LEKR1: variants seen among roughly 807,000 people sequenced by gnomAD.
LEKR1 encodes protein LEKR1.
In LEKR1, 59 loss-of-function variants were observed where a neutral mutation model predicts 72.4. The observed-to-expected ratio is 0.82, with a 90% CI of 0.66 to 1.01. The LOEUF (loss-of-function observed/expected upper bound fraction) is 1.01, where lower values mean the gene tolerates loss of function less well. LEKR1 is among the 50% of genes least tolerant of loss of function. LEKR1 has a pLI of 0.00. For missense variants in LEKR1, 728 were observed against 759.2 expected (o/e 0.96, Z 0.48); for synonymous variants, 257 against 263.2 (o/e 0.98, Z 0.23).
intron 7 of LEKR1, among the ~76,000 whole-genome samples, chr3:156,986,884 C>G (rs1041258951): frequency 7.2e-5 from 11 of 152,074 alleles, no homozygotes; most frequent in Admixed American, 2.6e-4. Context: ...AAAAACAATG[C>G]TTTTGATTTG....
In LEKR1 at chr3:157,045,409, C is replaced by T; in HGVS notation, c.1738C>T (p.Gln580Ter). The T allele has an allele frequency of 1.2e-6, 2 of 1,613,972 alleles. No individual in the cohort carries two copies. Among genetic ancestry groups the T allele is most frequent in the Non-Finnish European group, 1.7e-6 (2 of 1,179,900 alleles). Residue 580 changes from glutamine (Q) to a stop codon, truncating the protein, a stop_gained, in exon 13 of 13, where the codon CAA becomes TAA. Transcript: ENST00000356539. LOFTEE classifies it low-confidence loss of function (END_TRUNC). ...ERFELTEALS[Q>*]AREQLLELSK... Reference sequence around the variant, plus strand: ...CTTTGAACTGACAGAGGCTTTGAGTCAAGCCAGAGAACAGCTCCTGGAGCT... The same window carrying T: ...CTTTGAACTGACAGAGGCTTTGAGTTAAGCCAGAGAACAGCTCCTGGAGCT...
intron 3 of LEKR1, among the ~76,000 whole-genome samples, chr3:156,902,600 T>C (rs1475594259): frequency 1.3e-5 from 2 of 152,198 alleles, no homozygotes; most frequent in Non-Finnish European, 2.9e-5. Context: ...GAAATTGTTA[T>C]ACATTTCATA....
intron 3 of LEKR1, among the ~76,000 whole-genome samples, chr3:156,890,736 T>C (rs1022812072): frequency 6.6e-6 from 1 of 152,194 alleles, no homozygotes; most frequent in Admixed American, 6.5e-5. Flanking sequence ...GTGTTGGTAA[T>C]TGAGATCAGT....
chr3:156,859,667 TA>T (rs1304342966), intron 3 of LEKR1, among the ~76,000 whole-genome samples: 53 of 152,326 alleles, frequency 3.5e-4, no homozygotes, highest in African/African-American at 1.3e-3. Flanking sequence ...GACAAATGTA[TA>T]AAGACATTAT....
At chr3:156,848,904 T>A (rs1396715221) in intron 2 of LEKR1, among the ~76,000 whole-genome samples, 2 of 152,194 alleles carry the variant, frequency 1.3e-5, no homozygotes, top group African/African-American at 4.8e-5. Context: ...ATTCATTTTT[T>A]ATTATTATAC....
intron 3 of LEKR1, among the ~76,000 whole-genome samples, chr3:156,897,822 A>G (rs1054037847): frequency 1.3e-5 from 2 of 152,092 alleles, no homozygotes; most frequent in Non-Finnish European, 2.9e-5. Flanking sequence ...GCATGGTGGC[A>G]GGTGCCTGTA....
intron 3 of LEKR1, among the ~76,000 whole-genome samples, chr3:156,893,164 T>G (rs1473713273): frequency 6.6e-6 from 1 of 152,118 alleles, no homozygotes; most frequent in Non-Finnish European, 1.5e-5. Flanking sequence ...TATCTTCAAG[T>G]TTTTGGTGGA....
intron 3 of LEKR1, among the ~76,000 whole-genome samples, chr3:156,884,086 G>T (rs1719794083): frequency 6.6e-6 from 1 of 152,098 alleles, no homozygotes; most frequent in South Asian, 2.1e-4. Flanking sequence ...TATAAGAATA[G>T]CTATTCCTGC....
intron 7 of LEKR1, among the ~76,000 whole-genome samples, chr3:156,980,831 C>A (rs551557545): frequency 3.4e-4 from 52 of 152,172 alleles, no homozygotes; most frequent in African/African-American, 1.2e-3. Flanking sequence ...TAGAAATGAG[C>A]ATAGTGAAGA....
At chr3:156,873,577 T>A (rs1718212681) in intron 3 of LEKR1, among the ~76,000 whole-genome samples, 1 of 152,076 alleles carries the variant, frequency 6.6e-6, no homozygotes, top group African/African-American at 2.4e-5. Context: ...GTGTGTTTGC[T>A]CTACCAGTGG....
rs143734156 is a variant in LEKR1, at chr3:156,957,544, ACTC to A, written c.745+14834_745+14836del. Among the ~76,000 whole-genome samples the A allele has an allele frequency of 6.9e-4, 105 of 151,826 alleles. 2 individuals are homozygous for A. In the East Asian group the frequency reaches 0.015, roughly 22 times the overall value. On this transcript the variant is annotated intron_variant, in intron 6 of 12. Transcript: ENST00000356539. Reference sequence around the variant, plus strand: ...TCTACCTCCTACAGTGAAAAAAAAAACTCCTCAAAACAATACAGTACTGTAATT... The same window carrying A: ...TCTACCTCCTACAGTGAAAAAAAAAACTCAAAACAATACAGTACTGTAATT...
intron 12 of LEKR1, among the ~76,000 whole-genome samples, chr3:157,040,503 C>T (rs1487378557): frequency 6.6e-6 from 1 of 152,206 alleles, no homozygotes; most frequent in Non-Finnish European, 1.5e-5. Context: ...AAGGCCATTT[C>T]CACTAACTTT....
At chr3:157,044,599 T>A (rs1177483396) in intron 12 of LEKR1, among the ~76,000 whole-genome samples, 4 of 152,206 alleles carry the variant, frequency 2.6e-5, no homozygotes, top group African/African-American at 9.6e-5. Flanking sequence ...GATTCTATTA[T>A]GGACATAAAA....
chr3:157,017,906 G>T (rs1014847738), intron 10 of LEKR1, among the ~76,000 whole-genome samples: 2 of 139,812 alleles, frequency 1.4e-5, no homozygotes, highest in East Asian at 4.2e-4. Context: ...CCAAGATCAG[G>T]CCACTGCACT....
At chr3:156,955,275 A>G (rs2107979140) in intron 6 of LEKR1, among the ~76,000 whole-genome samples, 1 of 152,072 alleles carries the variant, frequency 6.6e-6, no homozygotes, top group Non-Finnish European at 1.5e-5. Flanking sequence ...TAGGTGTAGG[A>G]TCATGTTATG....
chr3:156,960,300 T>C (rs1273216406), intron 6 of LEKR1, among the ~76,000 whole-genome samples: 1 of 152,184 alleles, frequency 6.6e-6, no homozygotes, highest in African/African-American at 2.4e-5. Flanking sequence ...GTTGGTTTTG[T>C]TTTGAGATGG....
At chr3:156,985,910 A>G (rs9824296) in intron 7 of LEKR1, among the ~76,000 whole-genome samples, 151,089 of 151,626 alleles carry the variant, frequency 1, 75,276 homozygotes, top group Middle Eastern at 1. Context: ...CAGGCCTAAT[A>G]TAATCACGAG....
At chr3:156,832,179 T>G (rs144087466) in intron 2 of LEKR1, among the ~76,000 whole-genome samples, 375 of 152,122 alleles carry the variant, frequency 2.5e-3, no homozygotes, top group African/African-American at 8.5e-3. Context: ...ACACAGCACT[T>G]AAGTGAACAG....
intron 9 of LEKR1, among the ~76,000 whole-genome samples, chr3:156,994,254 G>A (rs746829672): frequency 6.6e-6 from 1 of 152,028 alleles, no homozygotes; most frequent in East Asian, 1.9e-4. Flanking sequence ...GTGGGGACCA[G>A]GGTAGTGGGT....
Sources: allele counts gnomAD v4.1 joint callset (sites outside exome capture counted in the v4.1 genomes callset), GRCh38; gene constraint gnomAD v4.1.1; transcripts MANE v1.5; gene names NCBI Gene and HGNC (gene_info 2026-07-23, HGNC 2026-07-21).